Variants in FRMD4A observed in about 807,000 individuals in gnomAD.
FRMD4A encodes the protein FERM domain containing 4A.
FRMD4A carries 29 observed loss-of-function variants against 129.1 expected under a neutral mutation model. The ratio of observed to expected loss-of-function variants is 0.22; its 90% CI spans 0.17 to 0.31. The LOEUF (loss-of-function observed/expected upper bound fraction) is 0.31. Among genes scored for constraint, FRMD4A ranks in the 10% least tolerant of loss-of-function variants. FRMD4A has a pLI of 1.00. For synonymous variants in FRMD4A, 634 were observed against 571.6 expected, an observed-to-expected ratio of 1.11 and a Z score of -1.56; for missense variants, 1,272 against 1,375.8, an observed-to-expected ratio of 0.92 and a Z score of 1.19.
intron 2 of FRMD4A, among the ~76,000 whole-genome samples, chr10:14,242,474 C>T (rs776217353): frequency 2.4e-4 from 37 of 152,018 alleles, no homozygotes; most frequent in Admixed American, 1.0e-3. Context: ...ATAGATAGCC[C>T]GCAGGTATAA....
chr10:14,179,181 GGCCCCTTAGA>G (rs989242782), intron 2 of FRMD4A, among the ~76,000 whole-genome samples: 21 of 152,052 alleles, frequency 1.4e-4, no homozygotes, highest in African/African-American at 5.1e-4. Flanking sequence ...AATTTATTTA[GGCCCCTTAGA>G]GTCTCTGGGG....
Position 13,645,755 on chromosome 10 carries a change from TAGG to T in FRMD4A, c.*1280_*1282del, listed in dbSNP as rs1453835684. 6.6e-6 allele frequency: 1 copy of T among 152,582 alleles called. No homozygotes were observed. Among genetic ancestry groups the T allele is most frequent in the Non-Finnish European group, 1.5e-5 (1 of 68,038 alleles). 9.5% of individuals were successfully genotyped at this position (152,582 alleles called of 1,614,324 possible). A position where few individuals can be genotyped will look rare whatever the true frequency, so the allele number is the denominator to read the frequency against. ...TTGGGTTCTTGGAATAAGTGACACA[TAGG>T]AGAAGTCGGATCTGAGCTCTTTTGT... On this transcript the variant is annotated 3_prime_UTR_variant, in exon 25 of 25. Transcript: ENST00000357447.
At chr10:13,841,972 C>T (rs7070970) in intron 3 of FRMD4A, among the ~76,000 whole-genome samples, 43,888 of 152,042 alleles carry the variant, frequency 0.29, 6,634 homozygotes, top group Middle Eastern at 0.43. Context: ...GTGGTTAGTG[C>T]CAGAATTGCA....
intron 15 of FRMD4A, chr10:13,685,722 C>T (rs569559596): frequency 4.2e-4 from 314 of 752,516 alleles, no homozygotes; most frequent in Non-Finnish European, 4.6e-4. Flanking sequence ...GCAGGAGGAT[C>T]GCTTAAGCCC....
At chr10:14,179,483 C>T (rs1220859191) in intron 2 of FRMD4A, among the ~76,000 whole-genome samples, 4 of 152,138 alleles carry the variant, frequency 2.6e-5, no homozygotes, top group African/African-American at 2.4e-5. Flanking sequence ...CTCCTTCCCC[C>T]TTTTTCTCTC....
In FRMD4A at chr10:13,886,521, T is replaced by C. The variant is rs12259733; in HGVS notation, c.46-27609A>G. On this transcript the variant is annotated intron_variant, in intron 2 of 24. Coordinates refer to ENST00000357447, the MANE Select transcript of FRMD4A (RefSeq NM_018027.5). ...AGAAAAGTTTTGACACAGGTGGGCCTAACAAGCGACACTGTGCTTTAGACC... is the reference window on the plus strand; with the variant it reads ...AGAAAAGTTTTGACACAGGTGGGCCCAACAAGCGACACTGTGCTTTAGACC... Among the ~76,000 whole-genome samples, 1,059 of 152,356 alleles carry C rather than the reference T, an allele frequency of 7.0e-3. 14 individuals are homozygous for C. The highest frequency in any genetic ancestry group is 0.024 in the African/African-American group (983 of 41,580).
intron 12 of FRMD4A, among the ~76,000 whole-genome samples, chr10:13,733,973 G>C (rs2090470634): frequency 1.3e-5 from 2 of 152,318 alleles, no homozygotes; most frequent in South Asian, 4.1e-4. Flanking sequence ...AGCTCCAGCT[G>C]AATGCCCAAC....
At chr10:13,954,443 T>A (rs1474651687) in intron 2 of FRMD4A, among the ~76,000 whole-genome samples, 1 of 152,118 alleles carries the variant, frequency 6.6e-6, no homozygotes, top group African/African-American at 2.4e-5. Flanking sequence ...TCCACTATCA[T>A]GAGAACAGCA....
At chr10:14,236,085 C>A (rs1482917930) in intron 2 of FRMD4A, among the ~76,000 whole-genome samples, 2 of 152,208 alleles carry the variant, frequency 1.3e-5, no homozygotes, top group Non-Finnish European at 2.9e-5. Flanking sequence ...TCTCTTTGAG[C>A]CTTTCTTTCC....
At chr10:13,863,781 A>G (rs1228124693) in intron 2 of FRMD4A, among the ~76,000 whole-genome samples, 6 of 152,068 alleles carry the variant, frequency 3.9e-5, no homozygotes, top group Non-Finnish European at 8.8e-5. Flanking sequence ...AAAAGTGTAA[A>G]AAAGAAACTT....
chr10:13,728,764 G>A (rs1041432567), intron 12 of FRMD4A, among the ~76,000 whole-genome samples: 6 of 151,578 alleles, frequency 4.0e-5, no homozygotes, highest in Non-Finnish European at 8.8e-5. Flanking sequence ...TAGAGACGGG[G>A]TTTTATCACG....
At chr10:13,664,041 C>T (rs1017817080) in intron 18 of FRMD4A, among the ~76,000 whole-genome samples, 2 of 152,148 alleles carry the variant, frequency 1.3e-5, no homozygotes, top group African/African-American at 4.8e-5. Context: ...TTATAGATGC[C>T]ATTCAATTAA....
intron 2 of FRMD4A, among the ~76,000 whole-genome samples, chr10:13,880,554 C>T (rs576357347): frequency 6.6e-6 from 1 of 152,168 alleles, no homozygotes; most frequent in African/African-American, 2.4e-5. Flanking sequence ...TGGGGAGAGC[C>T]CCCCAGGGTA....
intron 2 of FRMD4A, among the ~76,000 whole-genome samples, chr10:13,859,516 A>G (rs925027970): frequency 6.6e-6 from 1 of 152,226 alleles, no homozygotes; most frequent in Non-Finnish European, 1.5e-5. Context: ...GATGTAAAAT[A>G]AATTAGCAAA....
At chr10:13,955,112 C>CTTTTTTCTT (rs2095401823) in intron 2 of FRMD4A, among the ~76,000 whole-genome samples, 1 of 102,974 alleles carries the variant, frequency 9.7e-6, no homozygotes, top group Non-Finnish European at 1.8e-5. Context: ...AATAATTCTG[C>CTTTTTTCTT]TTTTTTTTTT....
chr10:14,246,074 G>A (rs796873860), intron 2 of FRMD4A, among the ~76,000 whole-genome samples: 48 of 152,264 alleles, frequency 3.2e-4, no homozygotes, highest in African/African-American at 1.1e-3. Context: ...CTGCTACTGC[G>A]AGGGGCTCCT....
At chr10:14,003,894 A>T (rs1034680186) in intron 2 of FRMD4A, among the ~76,000 whole-genome samples, 3 of 152,236 alleles carry the variant, frequency 2.0e-5, no homozygotes, top group African/African-American at 7.2e-5. Flanking sequence ...CCAGGAAAAA[A>T]TTTCCACATT....
chr10:14,068,788 T>G (rs1464924549), intron 2 of FRMD4A, among the ~76,000 whole-genome samples: 12 of 152,168 alleles, frequency 7.9e-5, no homozygotes, highest in Admixed American at 6.6e-5. Flanking sequence ...GTTTCCTGTT[T>G]GTTTGTTTTT....
At chr10:14,322,998 C>T (rs1477525633) in intron 2 of FRMD4A, among the ~76,000 whole-genome samples, 3 of 152,208 alleles carry the variant, frequency 2.0e-5, no homozygotes, top group Non-Finnish European at 4.4e-5. Context: ...TTTTAGTCAT[C>T]TCCCTTCAAA....
Sources: allele counts gnomAD v4.1 joint callset (sites outside exome capture counted in the v4.1 genomes callset), GRCh38; gene constraint gnomAD v4.1.1; transcripts MANE v1.5; gene names NCBI Gene and HGNC (gene_info 2026-07-23, HGNC 2026-07-21).